The following PPP2R5C variants were observed in gnomAD, a reference collection of about 807,000 sequenced individuals.
PPP2R5C encodes serine/threonine-protein phosphatase 2A 56 kDa regulatory subunit gamma isoform.
Under a neutral mutation model 68.9 loss-of-function variants are expected in PPP2R5C, and 7 were observed. The ratio of observed to expected loss-of-function variants is 0.10; its 90% CI spans 0.06 to 0.19. PPP2R5C has a LOEUF of 0.19. Among genes scored for constraint, PPP2R5C ranks in the 10% least tolerant of loss-of-function variants. The pLI is 1.00. For synonymous variants in PPP2R5C, 210 were observed against 222.2 expected, an observed-to-expected ratio of 0.95 and a Z score of 0.49; for missense variants, 348 against 641.3, an observed-to-expected ratio of 0.54 and a Z score of 4.94.
intron 13 of PPP2R5C, 135 bp downstream of exon 15, chr14:101,918,082 A>G: frequency 8.0e-7 from 1 of 1,249,652 alleles, no homozygotes; most frequent in South Asian, 1.5e-5. Flanking sequence ...CTAGTCTTAT[A>G]GGAAACATTG....
In PPP2R5C at chr14:101,894,493, C is replaced by T; in HGVS notation, c.799-14C>T. ...TGTTGAAATGTTAATGCTCTTTCTC[C>T]TTTTACTTTTTAGCTGGCATACTGT... On this transcript the variant is annotated splice_polypyrimidine_tract_variant and intron_variant, in intron 7 of 13. Transcript: ENST00000334743. 6.2e-7 allele frequency: 1 copy of T among 1,612,556 alleles called. No individual in the cohort carries two copies. The highest frequency in any genetic ancestry group is 1.1e-5 in the South Asian group (1 of 91,054).
Position 101,838,766 on chromosome 14 carries a change from GGGCATGGT to G in PPP2R5C, c.95-17916_95-17909del, listed in dbSNP as rs572483497. The stretch of plus-strand genomic sequence containing the variant: ...TGTATAAATCTTCACTATTTTGGCT[GGGCATGGT>G]GGCTCATGCCTGTAATCCCAGCACT... On this transcript the variant is annotated intron_variant, in intron 1 of 13. Transcript: ENST00000334743. Among the ~76,000 whole-genome samples the G allele has an allele frequency of 9.7e-3, 1,484 of 152,332 alleles. 15 individuals are homozygous for G. Among genetic ancestry groups the G allele is most frequent in the Middle Eastern group, 0.031 (9 of 294 alleles).
upstream of PPP2R5C, among the ~76,000 whole-genome samples, chr14:101,807,925 T>C (rs1252529238): frequency 6.7e-6 from 1 of 149,938 alleles, no homozygotes; most frequent in African/African-American, 2.5e-5. Flanking sequence ...AGTTGTAGGA[T>C]AGGCACATTT....
At chr14:101,761,081 G>T, upstream of PPP2R5C, among the ~76,000 whole-genome samples, 1 of 140,518 alleles carries the variant, frequency 7.1e-6, no homozygotes, top group South Asian at 2.4e-4. Context: ...GGAGGGAAGG[G>T]GAGGGGAGGG....
intron 2 of PPP2R5C, among the ~76,000 whole-genome samples, chr14:101,876,225 A>G (rs2043767921): frequency 6.6e-6 from 1 of 152,182 alleles, no homozygotes; most frequent in South Asian, 2.1e-4. Flanking sequence ...GTAGAACCTA[A>G]CAGTTCCATC....
At chr14:101,861,133 A>T (rs529328940) in intron 2 of PPP2R5C, among the ~76,000 whole-genome samples, 4 of 152,242 alleles carry the variant, frequency 2.6e-5, no homozygotes, top group African/African-American at 9.6e-5. Context: ...AAAAAACTCA[A>T]TGTAGTAAAA....
intron 13 of PPP2R5C, 145 bp from the exon 16 acceptor site, chr14:101,924,996 C>G: frequency 1.1e-6 from 1 of 893,592 alleles, no homozygotes; most frequent in African/African-American, 1.7e-5. Context: ...ATAAGACCTA[C>G]GCCGTTTCCC....
At chr14:101,839,270 A>C (rs1345803334) in intron 1 of PPP2R5C, 2 of 152,204 alleles carry the variant, frequency 1.3e-5, no homozygotes, top group Non-Finnish European at 2.9e-5. Flanking sequence ...GAATCACTTG[A>C]ACCCGGGAGG....
At chr14:101,876,940 CTTTTT>C (rs11318528) in intron 2 of PPP2R5C, among the ~76,000 whole-genome samples, 2 of 90,892 alleles carry the variant, frequency 2.2e-5, no homozygotes, top group Non-Finnish European at 4.3e-5. Flanking sequence ...AGGATTTACG[CTTTTT>C]TTTTTTTTTT....
rs980425647 is a variant in PPP2R5C, at chr14:101,879,318, G to T, written c.295-2843G>T. 6.6e-6 allele frequency: 1 copy of T among 152,478 alleles called. No individual in the cohort carries two copies. Among genetic ancestry groups the T allele is most frequent in the African/African-American group, 2.4e-5 (1 of 41,468 alleles). The allele number at this position is 152,478 out of a possible 1,614,324, so 9.4% of individuals were successfully genotyped here. On this transcript the variant is annotated intron_variant, in intron 2 of 13. Coordinates refer to ENST00000334743, the Ensembl canonical transcript of PPP2R5C. This position sits in a 1 kb window ranked among gnomAD's most constrained non-coding sequence, Gnocchi z 4.2. ...TCTTGGGCAGCAGGCCTCTTCCAGA[G>T]GGACGGCTGTTTCCTCTCCCCCAAG... is the stretch of plus-strand genomic sequence containing the variant.
At chr14:101,812,257 C>A (rs1276762623) in intron 1 of PPP2R5C, among the ~76,000 whole-genome samples, 1 of 152,170 alleles carries the variant, frequency 6.6e-6, no homozygotes, top group Non-Finnish European at 1.5e-5. Context: ...CCCAAAGGAG[C>A]GAATGGAGAG....
Position 101,882,428 on chromosome 14 carries a change from G to A in PPP2R5C, c.405+157G>A. ...TATGTACAAGAAAAATATTTCAGCA[G>A]AATAAAGTTAATGTGTGTGTTTGAC... On this transcript the variant is annotated intron_variant, in intron 3 of 13. Coordinates refer to ENST00000334743, the Ensembl canonical transcript of PPP2R5C. The surrounding 1 kb of genome is among the most constrained non-coding windows in gnomAD (Gnocchi z 4.9). The A allele has an allele frequency of 1.1e-5, 6 of 532,350 alleles. No homozygotes were observed. The highest frequency in any genetic ancestry group is 1.7e-5 in the Non-Finnish European group (5 of 298,086). The allele number at this position is 532,350 out of a possible 1,614,324, so 33.0% of individuals were successfully genotyped here. A position where few individuals can be genotyped will look rare whatever the true frequency, so the allele number is the denominator to read the frequency against.
chr14:101,925,287 C>A, exon 14 of PPP2R5C: 1 of 1,610,966 alleles, frequency 6.2e-7, no homozygotes, highest in East Asian at 2.2e-5. Context: ...CGGGGCGCCG[C>A]GTCGGGGCCG....
chr14:101,836,855 A>G (rs2041134630), intron 1 of PPP2R5C, among the ~76,000 whole-genome samples: 1 of 152,266 alleles, frequency 6.6e-6, no homozygotes, highest in African/African-American at 2.4e-5. Flanking sequence ...CAAAACAATA[A>G]TGAAACAGGG....
chr14:101,868,846 A>G (rs889304709), intron 2 of PPP2R5C, among the ~76,000 whole-genome samples: 1 of 152,196 alleles, frequency 6.6e-6, no homozygotes, highest in African/African-American at 2.4e-5. Context: ...CGGAACTTTG[A>G]TAAATGTGTA....
In PPP2R5C at chr14:101,864,616, C is replaced by T. The variant is rs542936220; in HGVS notation, c.294+7731C>T. ...CAGAGAAGTGGCCTCTCTACACCAG[C>T]GGCCAGTGCTTCAGGACTAGCTGGC... On this transcript the variant is annotated intron_variant, in intron 2 of 13. Coordinates refer to ENST00000334743, the Ensembl canonical transcript of PPP2R5C. Among the ~76,000 whole-genome samples, 17 of 152,234 alleles carry T rather than the reference C, an allele frequency of 1.1e-4. 1 individual carries two copies. The South Asian group carries it at 3.5e-3, about 32-fold the overall frequency.
intron 1 of PPP2R5C, among the ~76,000 whole-genome samples, chr14:101,829,006 A>G (rs66877816): frequency 0.22 from 33,167 of 152,150 alleles, 4,011 homozygotes; most frequent in African/African-American, 0.33. Flanking sequence ...TCTTACCTCA[A>G]AAACTATGTT....
At chr14:101,765,827 TC>T (rs1229695413) in intron 2 of PPP2R5C, 1 of 151,010 alleles carries the variant, frequency 6.6e-6, no homozygotes, top group Non-Finnish European at 1.5e-5. Flanking sequence ...CCTCAGGTGA[TC>T]CGTCTGCCTC....
chr14:101,918,079 T>C (rs1393288761), intron 13 of PPP2R5C, 132 bp downstream of exon 15: 13 of 1,309,570 alleles, frequency 9.9e-6, no homozygotes, highest in South Asian at 1.4e-5. Context: ...TTGCTAGTCT[T>C]ATAGGAAACA....
Sources: allele counts gnomAD v4.1 joint callset (sites outside exome capture counted in the v4.1 genomes callset), GRCh38; gene constraint gnomAD v4.1.1; non-coding constraint Gnocchi (gnomAD v3.1); transcripts MANE v1.5; gene names NCBI Gene and HGNC (gene_info 2026-07-23, HGNC 2026-07-21).